Variants in PARL observed in about 807,000 individuals in gnomAD.
PARL encodes the protein presenilin associated rhomboid like, also known as presenilin-associated rhomboid-like protein, mitochondrial.
In PARL, 44 loss-of-function variants were observed where a neutral mutation model predicts 51.6. The ratio of observed to expected loss-of-function variants is 0.85; its 90% CI spans 0.67 to 1.10. The LOEUF is 1.10. PARL is among the 50% of genes least tolerant of loss of function. The probability of loss-of-function intolerance (pLI) is 0.00; values close to 1 mark genes in which losing one functional copy is unlikely to be tolerated. For synonymous variants in PARL, 172 were observed against 164.0 expected (o/e 1.05, Z -0.37); for missense variants, 441 against 469.5 (o/e 0.94, Z 0.56).
At chr3:183,868,250 C>A (rs1473435536) in intron 1 of PARL, among the ~76,000 whole-genome samples, 190 bp from the exon 2 acceptor site, 1 of 152,180 alleles carries the variant, frequency 6.6e-6, no homozygotes, top group Non-Finnish European at 1.5e-5. Context: ...AAAGGTGACA[C>A]ACAAACTACA....
At chr3:183,860,690 CAT>C (rs1265454941) in intron 4 of PARL, among the ~76,000 whole-genome samples, 1 of 152,106 alleles carries the variant, frequency 6.6e-6, no homozygotes. Context: ...TAGGCTTCTT[CAT>C]ATGTTAAATG....
intron 1 of PARL, among the ~76,000 whole-genome samples, chr3:183,883,248 C>T (rs1484384903): frequency 6.6e-6 from 1 of 152,150 alleles, no homozygotes. Context: ...TAACACACTT[C>T]CTGTTGCTTC....
At chr3:183,844,453 TG>T in intron 4 of PARL, 127 bp from the exon 5 acceptor site, 1 of 690,098 alleles carries the variant, frequency 1.4e-6, no homozygotes, top group Non-Finnish European at 2.6e-6. Flanking sequence ...GGATAGGGGG[TG>T]AGCCAAAAAA....
chr3:183,868,201 C>T (rs1401405655), intron 1 of PARL, 141 bp from the exon 2 acceptor site: 3 of 680,150 alleles, frequency 4.4e-6, no homozygotes, highest in Non-Finnish European at 7.8e-6. Flanking sequence ...CTCCTACTCT[C>T]AGACAGAATT....
chr3:183,846,182 A>T (rs961818842), intron 4 of PARL, among the ~76,000 whole-genome samples: 24 of 152,132 alleles, frequency 1.6e-4, no homozygotes, highest in Admixed American at 1.5e-3. Flanking sequence ...AATAAAGGAA[A>T]ATACATGAAA....
chr3:183,826,768 A>T, downstream of PARL: 6 of 985,078 alleles, frequency 6.1e-6, no homozygotes, highest in East Asian at 1.1e-4. Context: ...GTCAGAGTGA[A>T]CTCTTTGTGG....
rs115397963 is a variant in PARL at position 183,854,960 on chromosome 3, C to T, written c.511+7793G>A. ...ATCCATACACTGGAATATCATTTGGCCATAAAAAGAAACAGAAGTACTGAT... is the reference window on the plus strand; with the variant it reads ...ATCCATACACTGGAATATCATTTGGTCATAAAAAGAAACAGAAGTACTGAT... On this transcript the variant is annotated intron_variant, in intron 4 of 9. Transcript: ENST00000317096. Among the ~76,000 whole-genome samples, 623 of 152,090 alleles carry T rather than the reference C, an allele frequency of 4.1e-3. 3 individuals carry two copies. Among genetic ancestry groups the T allele is most frequent in the African/African-American group, 0.014 (580 of 41,494 alleles).
At chr3:183,838,672 GAGA>G (rs1728940799) in intron 7 of PARL, among the ~76,000 whole-genome samples, 1 of 152,136 alleles carries the variant, frequency 6.6e-6, no homozygotes, top group Admixed American at 6.5e-5. Flanking sequence ...CTGAAATTCA[GAGA>G]AGTTCAGTAA....
chr3:183,828,482 G>A (rs971395574), downstream of PARL, among the ~76,000 whole-genome samples: 1 of 152,226 alleles, frequency 6.6e-6, no homozygotes, highest in Non-Finnish European at 1.5e-5. Flanking sequence ...GAAGTGATAC[G>A]AGTTTAGAAC....
At chr3:183,846,212 C>T (rs780000849) in intron 4 of PARL, among the ~76,000 whole-genome samples, 29 of 152,104 alleles carry the variant, frequency 1.9e-4, no homozygotes, top group Admixed American at 5.2e-4. Context: ...AGATAAAGGC[C>T]GGGTGCGGTG....
chr3:183,873,680 A>G (rs1184382202), intron 1 of PARL, among the ~76,000 whole-genome samples: 1 of 152,208 alleles, frequency 6.6e-6, no homozygotes, highest in Non-Finnish European at 1.5e-5. Context: ...TATTTCCAAC[A>G]GCTTAATACT....
At chr3:183,839,469 AGTGCAGTGG>A (rs1560379277) in intron 7 of PARL, among the ~76,000 whole-genome samples, 1 of 151,168 alleles carries the variant, frequency 6.6e-6, no homozygotes, top group Non-Finnish European at 1.5e-5. Context: ...CCCAGGCTGG[AGTGCAGTGG>A]TGCAATCTCA....
intron 1 of PARL, among the ~76,000 whole-genome samples, chr3:183,872,664 T>C (rs1733347107): frequency 6.6e-6 from 1 of 152,178 alleles, no homozygotes; most frequent in African/African-American, 2.4e-5. Context: ...ATAGGAAATA[T>C]CTTCACTTTT....
At chr3:183,862,374 C>T (rs1435899148) in intron 4 of PARL, among the ~76,000 whole-genome samples, 13 of 152,140 alleles carry the variant, frequency 8.5e-5, no homozygotes, top group Admixed American at 8.5e-4. Context: ...AAAAGGGAGA[C>T]AACTACTCTG....
intron 1 of PARL, among the ~76,000 whole-genome samples, chr3:183,870,650 A>G (rs780622004): frequency 6.6e-6 from 1 of 152,152 alleles, no homozygotes; most frequent in Admixed American, 6.5e-5. Context: ...TATTAAGCAC[A>G]AATGTAATGT....
chr3:183,830,733 T>C (rs1404468741), intron 9 of PARL, among the ~76,000 whole-genome samples: 4 of 152,344 alleles, frequency 2.6e-5, no homozygotes, highest in African/African-American at 9.6e-5. Context: ...TTAAAAATGT[T>C]CTGAATGTGT....
chr3:183,874,324 G>A (rs983016313), intron 1 of PARL, among the ~76,000 whole-genome samples: 1 of 151,786 alleles, frequency 6.6e-6, no homozygotes, highest in African/African-American at 2.4e-5. Flanking sequence ...ATTGACACTG[G>A]TCAATTAATA....
intron 1 of PARL, among the ~76,000 whole-genome samples, chr3:183,877,731 C>T (rs993638520): frequency 2.0e-5 from 3 of 152,000 alleles, no homozygotes; most frequent in African/African-American, 7.2e-5. Context: ...AGTAATAAAG[C>T]ATTTTAAAAT....
chr3:183,840,437 G>C (rs986504704), intron 7 of PARL, 133 bp downstream of exon 7: 2 of 543,698 alleles, frequency 3.7e-6, no homozygotes, highest in Non-Finnish European at 6.6e-6. Context: ...TCTTGGTTTC[G>C]ATGTTAGTTA....
Sources: allele counts gnomAD v4.1 joint callset (sites outside exome capture counted in the v4.1 genomes callset), GRCh38; gene constraint gnomAD v4.1.1; transcripts MANE v1.5; gene names NCBI Gene and HGNC (gene_info 2026-07-23, HGNC 2026-07-21).